The following MPHOSPH9 variants were observed in gnomAD, a reference collection of about 807,000 sequenced individuals.
The protein encoded by MPHOSPH9 is M-phase phosphoprotein 9.
A neutral mutation model predicts 145.5 loss-of-function variants in MPHOSPH9; 88 were observed. The observed-to-expected ratio is 0.60, with a 90% CI of 0.51 to 0.72. MPHOSPH9 has a LOEUF of 0.72. MPHOSPH9 is among the 30% of genes least tolerant of loss of function. The pLI is 0.00. For missense variants in MPHOSPH9, 1,238 were observed against 1,386.6 expected, an observed-to-expected ratio of 0.89 and a Z score of 1.70; for synonymous variants, 435 against 486.2, an observed-to-expected ratio of 0.89 and a Z score of 1.39.
intron 8 of MPHOSPH9, among the ~76,000 whole-genome samples, chr12:123,205,880 CA>C (rs2046404939): frequency 6.6e-6 from 1 of 152,074 alleles, no homozygotes; most frequent in Non-Finnish European, 1.5e-5. Context: ...CTCATGAGCT[CA>C]AAATTGGCCA....
downstream of MPHOSPH9, chr12:123,152,597 T>C (rs1414669403): frequency 4.4e-6 from 2 of 456,708 alleles, no homozygotes; most frequent in Non-Finnish European, 8.8e-6. Flanking sequence ...TGCACATTTA[T>C]GGCTTGATTC....
At chr12:123,181,726 G>A (rs993406236) in intron 13 of MPHOSPH9, among the ~76,000 whole-genome samples, 2 of 151,852 alleles carry the variant, frequency 1.3e-5, no homozygotes, top group South Asian at 2.1e-4. Flanking sequence ...GAGAGACCCC[G>A]TCTTAAAAAA....
chr12:123,215,149 G>A (rs527463155), intron 6 of MPHOSPH9, among the ~76,000 whole-genome samples: 1 of 152,224 alleles, frequency 6.6e-6, no homozygotes, highest in East Asian at 1.9e-4. Flanking sequence ...GGCTGACGCA[G>A]GAGAATCACT....
chr12:123,165,254 G>A (rs1247166239), intron 18 of MPHOSPH9, 48 bp downstream of exon 18: 5 of 1,467,672 alleles, frequency 3.4e-6, no homozygotes, highest in Non-Finnish European at 4.6e-6. Context: ...TAATATAAAT[G>A]GGGAAAAGAT....
chr12:123,230,587 C>A, intron 1 of MPHOSPH9, 65 bp from the exon 2 acceptor site: 1 of 392,426 alleles, frequency 2.5e-6, no homozygotes, highest in Non-Finnish European at 4.6e-6. Flanking sequence ...ACTGTTTTTA[C>A]ATAACTTTGG....
intron 5 of MPHOSPH9, among the ~76,000 whole-genome samples, chr12:123,219,266 T>C (rs540787490): frequency 5.9e-5 from 9 of 151,944 alleles, no homozygotes; most frequent in African/African-American, 2.2e-4. Context: ...CATTACTTTT[T>C]TCAATTTCTT....
In MPHOSPH9 at chr12:123,218,387, G is replaced by C. The variant is rs187857615; in HGVS notation, c.985C>G (p.Pro329Ala). Residue 329 changes from proline (P) to alanine (A), a missense_variant, in exon 6 of 24, where the codon CCA becomes GCA. Physicochemically the swap from Pro to Ala is conservative, Grantham distance 27. Transcript: ENST00000606320. ...GACTAGTCACCTACTTTCTCAATTGGTGTCTTCTTACTTTGCTCATTTCCT... is the reference window on the plus strand; with the variant it reads ...GACTAGTCACCTACTTTCTCAATTGCTGTCTTCTTACTTTGCTCATTTCCT... ...KQGNEQSKKT[P>A]IEKSDFAAAT... 6.8e-6 allele frequency: 11 copies of C among 1,614,002 alleles called. No homozygotes were observed. In the Admixed American group the frequency reaches 1.7e-4, roughly 24 times the overall value.
chr12:123,156,815 T>C lies in MPHOSPH9; in HGVS notation c.3544A>G (p.Asn1182Asp), dbSNP rs772782966. Reference sequence around the variant, plus strand: ...TTTAATGGCTACAAATCTCAAAGATTTGCAGAGGTGCGCAAAACATGGAAT... The same window carrying C: ...TTTAATGGCTACAAATCTCAAAGATCTGCAGAGGTGCGCAAAACATGGAAT... ...KKFHVLRTSA[N>D]L Residue 1182 changes from asparagine (N) to aspartate (D), a missense_variant, in exon 24 of 24, where the codon AAT (asparagine) becomes GAT (aspartate). Transcript: ENST00000606320. 2.5e-6 allele frequency: 4 copies of C among 1,611,218 alleles called. No homozygotes were observed. In the South Asian group the frequency reaches 4.4e-5, roughly 18 times the overall value.
At chr12:123,237,423 C>T (rs901436747), upstream of MPHOSPH9, among the ~76,000 whole-genome samples, 2 of 152,088 alleles carry the variant, frequency 1.3e-5, no homozygotes, top group Admixed American at 6.6e-5. Flanking sequence ...AGCGAAACTC[C>T]GGCTCAAAAA....
At chr12:123,218,681 G>A (rs1451844958) in intron 5 of MPHOSPH9, among the ~76,000 whole-genome samples, 182 bp from the exon 6 acceptor site, 3 of 151,948 alleles carry the variant, frequency 2.0e-5, no homozygotes, top group East Asian at 3.9e-4. Context: ...GCACTACCTC[G>A]CCCAGCTAAT....
intron 5 of MPHOSPH9, among the ~76,000 whole-genome samples, chr12:123,221,123 T>A (rs562537715): frequency 1.1e-4 from 16 of 152,360 alleles, no homozygotes; most frequent in African/African-American, 3.1e-4. Flanking sequence ...GATACAGTCC[T>A]GTCTGCTAAA....
At position 123,162,096 on chromosome 12, in the gene MPHOSPH9, A is replaced by C. The variant is rs2044135570; in HGVS notation, c.3133+19T>G. The C allele has an allele frequency of 6.9e-7, 1 of 1,441,272 alleles. No individual in the cohort carries two copies. Among genetic ancestry groups the C allele is most frequent in the Non-Finnish European group, 9.5e-7 (1 of 1,053,292 alleles). 89.3% of individuals were successfully genotyped at this position (1,441,272 alleles called of 1,614,324 possible). A position where few individuals can be genotyped will look rare whatever the true frequency, so the allele number is the denominator to read the frequency against. On this transcript the variant is annotated intron_variant, in intron 21 of 23. Coordinates refer to ENST00000606320, the MANE Select transcript of MPHOSPH9 (RefSeq NM_022782.4). The stretch of plus-strand genomic sequence containing the variant: ...ATGAATGATTAAAACCATAACTAAT[A>C]TTTTTTAGGAAAAGATACCTTCCGA...
intron 12 of MPHOSPH9, among the ~76,000 whole-genome samples, chr12:123,196,126 G>T (rs2045933389): frequency 6.6e-6 from 1 of 152,054 alleles, no homozygotes; most frequent in Non-Finnish European, 1.5e-5. Context: ...GAAGCGGGCA[G>T]ATCACCTGAG....
At position 123,223,021 on chromosome 12, in the gene MPHOSPH9, T is replaced by C. The variant is rs531822901; in HGVS notation, c.348+17A>G. On this transcript the variant is annotated intron_variant, in intron 4 of 23. Coordinates refer to ENST00000606320, the MANE Select transcript of MPHOSPH9 (RefSeq NM_022782.4). ...ATATGTATATAAAAAAAGGAATCAATGTAAATGGTAACTTACTTGAATTTG... is the reference window on the plus strand; with the variant it reads ...ATATGTATATAAAAAAAGGAATCAACGTAAATGGTAACTTACTTGAATTTG... The C allele has an allele frequency of 2.4e-4, 357 of 1,468,638 alleles. No homozygotes were observed. Among genetic ancestry groups the C allele is most frequent in the Non-Finnish European group, 3.1e-4 (343 of 1,093,838 alleles). 91.0% of individuals were successfully genotyped at this position (1,468,638 alleles called of 1,614,324 possible). A position where few individuals can be genotyped will look rare whatever the true frequency, so the allele number is the denominator to read the frequency against.
Position 123,217,561 on chromosome 12 carries a change from A to G in MPHOSPH9, c.996+815T>C, listed in dbSNP as rs183072337. Among the ~76,000 whole-genome samples, 18 of 152,272 alleles carry G rather than the reference A, an allele frequency of 1.2e-4. No homozygotes were observed. In the East Asian group the frequency reaches 3.5e-3, roughly 29 times the overall value. On this transcript the variant is annotated intron_variant, in intron 6 of 23. Transcript: ENST00000606320. ...AATAATATAAATTATTTGAAAGTTT[A>G]TTTTAAACAATTAAATGGATTACTC...
At position 123,154,346 on chromosome 12, in the gene MPHOSPH9, G is replaced by GT. The variant is rs1320881920; in HGVS notation, c.*2460dup. 6.6e-6 allele frequency: 1 copy of GT among 151,946 alleles called. No individual in the cohort carries two copies. The highest frequency in any genetic ancestry group is 1.5e-5 in the Non-Finnish European group (1 of 67,998). 9.4% of individuals were successfully genotyped at this position (151,946 alleles called of 1,614,324 possible). A position where few individuals can be genotyped will look rare whatever the true frequency, so the allele number is the denominator to read the frequency against. ...CATCTTTCCTGCTTTTAGGTGGAGT[G>GT]TTTTTTCAGTTGAGTGTTCATAAGA... On this transcript the variant is annotated 3_prime_UTR_variant, in exon 24 of 24. Transcript: ENST00000606320.
Position 123,154,946 on chromosome 12 carries a change from G to A in MPHOSPH9, c.*1861C>T, listed in dbSNP as rs1327328737. Reference sequence around the variant, plus strand: ...AAGGCAGGCGGATCACATGAGTTCAGGAGTTTGAGACCAGCCTGGCCAATA... The same window carrying A: ...AAGGCAGGCGGATCACATGAGTTCAAGAGTTTGAGACCAGCCTGGCCAATA... On this transcript the variant is annotated 3_prime_UTR_variant, in exon 24 of 24. Coordinates refer to ENST00000606320, the MANE Select transcript of MPHOSPH9 (RefSeq NM_022782.4). The A allele has an allele frequency of 6.6e-6, 1 of 150,772 alleles. No individual in the cohort carries two copies. The highest frequency in any genetic ancestry group is 2.4e-5 in the African/African-American group (1 of 40,944). The allele number at this position is 150,772 out of a possible 1,614,324, so 9.3% of individuals were successfully genotyped here. A position where few individuals can be genotyped will look rare whatever the true frequency, so the allele number is the denominator to read the frequency against.
At chr12:123,169,009 C>T (rs2682426) in intron 16 of MPHOSPH9, among the ~76,000 whole-genome samples, 96,612 of 151,254 alleles carry the variant, frequency 0.64, 35,508 homozygotes, top group East Asian at 0.99. Context: ...TTCAGACTCC[C>T]GAGTAGCTGG....
chr12:123,194,357 T>G, intron 13 of MPHOSPH9, 29 bp downstream of exon 13: 1 of 1,368,232 alleles, frequency 7.3e-7, no homozygotes, highest in Non-Finnish European at 1.0e-6. Context: ...GCCAATCACG[T>G]CATTAAGTTA....
Sources: gnomAD v4.1 joint callset for allele counts (sites outside exome capture counted in the v4.1 genomes callset) on GRCh38, gnomAD v4.1.1 for gene constraint, MANE v1.5 for transcripts, NCBI Gene and HGNC (gene_info 2026-07-23, HGNC 2026-07-21) for gene names.